Variants in ETV6 observed in about 807,000 individuals in gnomAD.
ETV6 encodes transcription factor ETV6.
In ETV6, 16 loss-of-function variants were observed where a neutral mutation model predicts 51.1. That is an observed-to-expected ratio of 0.31 (90% CI 0.21 to 0.48). The LOEUF (loss-of-function observed/expected upper bound fraction) is 0.48. Among genes scored for constraint, ETV6 ranks in the 20% least tolerant of loss-of-function variants. The probability of loss-of-function intolerance (pLI) is 0.99; values close to 1 mark genes in which losing one functional copy is unlikely to be tolerated. For missense variants in ETV6, 458 were observed against 594.8 expected (o/e 0.77, Z 2.39); for synonymous variants, 240 against 224.1 (o/e 1.07, Z -0.64).
chr12:11,794,311 C>T (rs1945645760), intron 2 of ETV6, among the ~76,000 whole-genome samples: 1 of 152,180 alleles, frequency 6.6e-6, no homozygotes, highest in Non-Finnish European at 1.5e-5. Flanking sequence ...TGAAACCGAC[C>T]TCTGCCTGAC....
chr12:11,668,709 T>C (rs1864245506), intron 1 of ETV6, among the ~76,000 whole-genome samples: 1 of 152,248 alleles, frequency 6.6e-6, no homozygotes, highest in Non-Finnish European at 1.5e-5. Flanking sequence ...GGGCGGAATC[T>C]GATCACAAGT....
At chr12:11,820,451 A>G (rs1337831936) in intron 2 of ETV6, among the ~76,000 whole-genome samples, 1 of 152,216 alleles carries the variant, frequency 6.6e-6, no homozygotes, top group African/African-American at 2.4e-5. Context: ...GATGAATGCT[A>G]AGAGAAAACA....
At chr12:11,670,669 C>A (rs1016159784) in intron 1 of ETV6, among the ~76,000 whole-genome samples, 1 of 152,286 alleles carries the variant, frequency 6.6e-6, no homozygotes, top group Non-Finnish European at 1.5e-5. Context: ...CTGAGTATAA[C>A]TGGGGAGAAG....
chr12:11,720,426 A>G (rs187985302), intron 1 of ETV6, among the ~76,000 whole-genome samples: 1 of 152,354 alleles, frequency 6.6e-6, no homozygotes, highest in Admixed American at 6.5e-5. Flanking sequence ...CCCTGTCTGT[A>G]AAATCAGGAT....
chr12:11,852,668 A>G (rs754926626), intron 3 of ETV6, among the ~76,000 whole-genome samples: 3 of 152,224 alleles, frequency 2.0e-5, no homozygotes, highest in African/African-American at 4.8e-5. Context: ...AGAGCAATAA[A>G]TTGGGATAGT....
intron 1 of ETV6, among the ~76,000 whole-genome samples, chr12:11,683,179 G>T (rs1051472924): frequency 9.9e-5 from 15 of 152,200 alleles, no homozygotes; most frequent in African/African-American, 3.4e-4. Context: ...AAATAGTGGG[G>T]ATTACAGGCG....
intron 1 of ETV6, among the ~76,000 whole-genome samples, chr12:11,702,365 A>T (rs528008828): frequency 6.6e-6 from 1 of 152,194 alleles, no homozygotes; most frequent in South Asian, 2.1e-4. Context: ...CGATCTTATT[A>T]TACCCATAGT....
At chr12:11,855,477 T>C (rs1946619552) in intron 4 of ETV6, among the ~76,000 whole-genome samples, 1 of 152,188 alleles carries the variant, frequency 6.6e-6, no homozygotes, top group African/African-American at 2.4e-5. Flanking sequence ...ATGTGTACTT[T>C]TCCTTAGGTG....
chr12:11,726,520 G>A (rs1441991761), intron 1 of ETV6, among the ~76,000 whole-genome samples: 2 of 152,178 alleles, frequency 1.3e-5, no homozygotes, highest in Admixed American at 6.5e-5. Flanking sequence ...GCTCACACCT[G>A]TAATCCCAGC....
At chr12:11,834,873 C>T (rs989600898) in intron 2 of ETV6, among the ~76,000 whole-genome samples, 5 of 152,106 alleles carry the variant, frequency 3.3e-5, no homozygotes, top group African/African-American at 9.7e-5. Context: ...ACTCTAAGCC[C>T]GTCATTGTAC....
intron 1 of ETV6, among the ~76,000 whole-genome samples, chr12:11,720,572 A>G (rs114504645): frequency 0.1 from 15,480 of 152,214 alleles, 1,924 homozygotes; most frequent in African/African-American, 0.3. Flanking sequence ...ATATACAAAA[A>G]TTAACTCAAG....
chr12:11,669,821 G>A lies in ETV6; in HGVS notation c.33+19661G>A, dbSNP rs932994871. On this transcript the variant is annotated intron_variant, in intron 1 of 7. Coordinates refer to ENST00000396373, the MANE Select transcript of ETV6 (RefSeq NM_001987.5). ...CATTCGTATTCCCAAAATAGAAACCGTCGCCACCAGCACGTAATGTCTGGC... is the reference window on the plus strand; with the variant it reads ...CATTCGTATTCCCAAAATAGAAACCATCGCCACCAGCACGTAATGTCTGGC... Among the ~76,000 whole-genome samples, 8 of 151,974 alleles carry A rather than the reference G, an allele frequency of 5.3e-5. No homozygotes were observed. In the East Asian group the frequency reaches 9.6e-4, roughly 18 times the overall value.
intron 2 of ETV6, among the ~76,000 whole-genome samples, chr12:11,829,743 A>G (rs1395673891): frequency 6.6e-6 from 1 of 152,236 alleles, no homozygotes; most frequent in East Asian, 1.9e-4. Flanking sequence ...GAACATGAAC[A>G]TAGAGTGTTC....
chr12:11,730,050 C>G (rs2060869641), intron 1 of ETV6, among the ~76,000 whole-genome samples: 1 of 152,178 alleles, frequency 6.6e-6, no homozygotes, highest in Admixed American at 6.5e-5. Flanking sequence ...ATTATTGATG[C>G]AACCAGAGGA....
intron 2 of ETV6, among the ~76,000 whole-genome samples, chr12:11,788,632 C>T: frequency 6.6e-6 from 1 of 152,154 alleles, no homozygotes; most frequent in East Asian, 1.9e-4. Flanking sequence ...AATGTCCCCA[C>T]TCCCCTCCCT....
At chr12:11,742,771 T>C (rs1312482579) in intron 1 of ETV6, among the ~76,000 whole-genome samples, 1 of 151,876 alleles carries the variant, frequency 6.6e-6, no homozygotes, top group Non-Finnish European at 1.5e-5. Flanking sequence ...CAAAATATTT[T>C]ATAAGCTTCA....
intron 2 of ETV6, among the ~76,000 whole-genome samples, chr12:11,801,167 G>T (rs1023854764): frequency 6.6e-6 from 1 of 152,164 alleles, no homozygotes; most frequent in African/African-American, 2.4e-5. Context: ...TACGTGAACA[G>T]AGAAACATAA....
intron 7 of ETV6, among the ~76,000 whole-genome samples, chr12:11,890,410 G>T (rs367968074): frequency 7.3e-5 from 11 of 150,246 alleles, no homozygotes; most frequent in African/African-American, 2.5e-4. Flanking sequence ...TGCTCACTAC[G>T]TCACAGACAG....
intron 4 of ETV6, among the ~76,000 whole-genome samples, chr12:11,864,440 G>A (rs919941223): frequency 6.6e-6 from 1 of 152,228 alleles, no homozygotes; most frequent in South Asian, 2.1e-4. Flanking sequence ...TTTAAGTAAA[G>A]AGAGACATTC....
Sources: gnomAD v4.1 joint callset for allele counts (sites outside exome capture counted in the v4.1 genomes callset) on GRCh38, gnomAD v4.1.1 for gene constraint, MANE v1.5 for transcripts, NCBI Gene and HGNC (gene_info 2026-07-23, HGNC 2026-07-21) for gene names.